The following PTPRG variants were observed in gnomAD, a reference collection of about 807,000 sequenced individuals.
PTPRG encodes the protein protein tyrosine phosphatase receptor type G.
PTPRG carries 102 observed loss-of-function variants against 165.3 expected under a neutral mutation model. That is an observed-to-expected ratio of 0.62 (90% CI 0.53 to 0.73). The LOEUF is 0.73. Among genes scored for constraint, PTPRG ranks in the 30% least tolerant of loss-of-function variants. PTPRG has a pLI of 0.00. For missense variants in PTPRG, 1,866 were observed against 1,861.4 expected, an observed-to-expected ratio of 1.00 and a Z score of -0.05; for synonymous variants, 675 against 669.5, an observed-to-expected ratio of 1.01 and a Z score of -0.13.
intron 2 of PTPRG, chr3:61,749,268 G>A (rs1046755572): frequency 1.3e-4 from 57 of 455,890 alleles, no homozygotes; most frequent in Middle Eastern, 6.6e-4. Context: ...TCTGAAAGAC[G>A]TAGTCTTGTC....
At chr3:62,153,212 G>A (rs1272122552) in intron 6 of PTPRG, among the ~76,000 whole-genome samples, 1 of 152,172 alleles carries the variant, frequency 6.6e-6, no homozygotes. Context: ...AACCCAAAAT[G>A]AGCCAGCCTG....
chr3:62,148,327 G>A (rs1465400763), intron 6 of PTPRG, among the ~76,000 whole-genome samples: 1 of 152,048 alleles, frequency 6.6e-6, no homozygotes, highest in Admixed American at 6.6e-5. Flanking sequence ...GGAGAGAGAG[G>A]AAAATACAGG....
chr3:62,275,230 C>T (rs1212047341), intron 23 of PTPRG, among the ~76,000 whole-genome samples: 2 of 152,146 alleles, frequency 1.3e-5, no homozygotes, highest in Non-Finnish European at 2.9e-5. Flanking sequence ...TAGTTCAGTT[C>T]AACAGAAATG....
chr3:61,853,187 G>T (rs757386708), intron 2 of PTPRG, among the ~76,000 whole-genome samples: 13 of 152,166 alleles, frequency 8.5e-5, no homozygotes, highest in Non-Finnish European at 1.5e-4. Context: ...AGCAGGGAAG[G>T]GGGGTTTGAG....
intron 8 of PTPRG, among the ~76,000 whole-genome samples, chr3:62,184,507 A>G (rs909153537): frequency 1.3e-5 from 2 of 152,218 alleles, no homozygotes; most frequent in African/African-American, 4.8e-5. Context: ...AAAGGATTCC[A>G]TATTTGAAGG....
chr3:61,612,664 A>T (rs74683455), intron 1 of PTPRG, among the ~76,000 whole-genome samples: 3 of 152,156 alleles, frequency 2.0e-5, no homozygotes, highest in Admixed American at 6.5e-5. Context: ...TTAAAGGTGC[A>T]TTAGTGTATT....
chr3:61,807,238 A>AGATT (rs1426731362), intron 2 of PTPRG, among the ~76,000 whole-genome samples: 1 of 152,200 alleles, frequency 6.6e-6, no homozygotes, highest in African/African-American at 2.4e-5. Flanking sequence ...AGTTTGTCAA[A>AGATT]GATTGATAAG....
rs116076419 is a variant in PTPRG at position 61,952,891 on chromosome 3, A to G, written c.191-36734A>G. Among the ~76,000 whole-genome samples, 935 of 152,290 alleles carry G rather than the reference A, an allele frequency of 6.1e-3. 7 individuals carry two copies. The highest frequency in any genetic ancestry group is 0.021 in the African/African-American group (882 of 41,558). ...GTGGAAGCTGTAGAACATCGCTTCA[A>G]GTTTACCCTCTTGTGACCCACTGTT... On this transcript the variant is annotated intron_variant, in intron 2 of 29. Coordinates refer to ENST00000474889, the MANE Select transcript of PTPRG (RefSeq NM_002841.4).
chr3:61,784,921 C>T (rs778470172), intron 2 of PTPRG, among the ~76,000 whole-genome samples: 16 of 152,112 alleles, frequency 1.1e-4, no homozygotes, highest in Non-Finnish European at 2.2e-4. Flanking sequence ...AGTTGAAGGT[C>T]GTAACCCAGC....
chr3:62,136,240 C>T (rs543789470), intron 6 of PTPRG, among the ~76,000 whole-genome samples: 80 of 152,208 alleles, frequency 5.3e-4, no homozygotes, highest in Admixed American at 1.2e-3. Context: ...ATGGACCTGC[C>T]CTCACCATGT....
chr3:62,203,237 C>T lies in PTPRG; in HGVS notation c.1442C>T (p.Thr481Met), dbSNP rs376270678. The T allele has an allele frequency of 2.0e-5, 33 of 1,613,642 alleles. No individual in the cohort carries two copies. Among genetic ancestry groups the T allele is most frequent in the East Asian group, 4.5e-5 (2 of 44,860 alleles). ...ATCAGCTCGGGGTCTTCTACCTGGA[C>T]GTCCTCTGGCATCCCATTCTCATTT... ...APISSGSSTW[T>M]SSGIPFSFVS... The change falls in exon 12 of 30, where the codon ACG (threonine) becomes ATG (methionine). Residue 481 changes from threonine to methionine, a missense_variant. Thr to Met is a moderately conservative substitution (Grantham distance 81). This residue lies in a region of PTPRG where 1,452 missense variants were observed against 1,463.0 expected (regional missense o/e 0.99). Coordinates refer to ENST00000474889, the MANE Select transcript of PTPRG (RefSeq NM_002841.4). This position sits in a 1 kb window ranked among gnomAD's most constrained non-coding sequence, Gnocchi z 6.4.
chr3:62,290,160 G>C (rs1282376378), intron 28 of PTPRG, among the ~76,000 whole-genome samples: 1 of 152,016 alleles, frequency 6.6e-6, no homozygotes, highest in African/African-American at 2.4e-5. Flanking sequence ...ACCAAAAATG[G>C]AATTGGCAAA....
chr3:61,861,416 C>G (rs1214711038), intron 2 of PTPRG, among the ~76,000 whole-genome samples: 1 of 152,102 alleles, frequency 6.6e-6, no homozygotes, highest in Non-Finnish European at 1.5e-5. Flanking sequence ...GGAGGAAGTC[C>G]TAGAGGGCAG....
chr3:62,109,751 T>C (rs1702601050), intron 5 of PTPRG, among the ~76,000 whole-genome samples: 1 of 152,146 alleles, frequency 6.6e-6, no homozygotes, highest in South Asian at 2.1e-4. Context: ...TCAGCAGCTC[T>C]CAAAACAGCT....
intron 3 of PTPRG, among the ~76,000 whole-genome samples, chr3:61,999,377 C>G (rs1282287097): frequency 2.0e-5 from 3 of 152,110 alleles, no homozygotes; most frequent in African/African-American, 7.2e-5. Context: ...GCACTAATCC[C>G]ATTCACGAGG....
At chr3:61,599,484 C>T (rs542535289) in intron 1 of PTPRG, among the ~76,000 whole-genome samples, 5 of 152,168 alleles carry the variant, frequency 3.3e-5, no homozygotes, top group African/African-American at 1.2e-4. Context: ...ACATATCCTG[C>T]ATTCTTTTTT....
chr3:61,893,523 C>A (rs73842123), intron 2 of PTPRG, among the ~76,000 whole-genome samples: 4,986 of 152,268 alleles, frequency 0.033, 292 homozygotes, highest in African/African-American at 0.11. Flanking sequence ...GTAGTCTTAA[C>A]CGCTATGGCG....
intron 2 of PTPRG, among the ~76,000 whole-genome samples, chr3:61,842,783 A>T (rs1051360946): frequency 2.6e-5 from 4 of 151,978 alleles, no homozygotes; most frequent in African/African-American, 9.7e-5. Flanking sequence ...TCCCAGTTAG[A>T]TGGGGATGGC....
chr3:62,106,745 G>T (rs1012448848), intron 5 of PTPRG, among the ~76,000 whole-genome samples: 2 of 152,084 alleles, frequency 1.3e-5, no homozygotes, highest in African/African-American at 4.8e-5. Flanking sequence ...ATACCTCTAG[G>T]AACAGAAACA....
Sources: gnomAD v4.1 joint callset for allele counts (sites outside exome capture counted in the v4.1 genomes callset) on GRCh38, gnomAD v4.1.1 for gene constraint, gnomAD v4.1.1 regional missense constraint, Gnocchi (gnomAD v3.1) non-coding constraint, MANE v1.5 for transcripts, NCBI Gene and HGNC (gene_info 2026-07-23, HGNC 2026-07-21) for gene names.